IL21: variants seen among roughly 807,000 people sequenced by gnomAD.
The protein encoded by IL21 is interleukin-21.
Under a neutral mutation model 18.4 loss-of-function variants are expected in IL21, and 3 were observed. The ratio of observed to expected loss-of-function variants is 0.16; its 90% CI spans 0.07 to 0.42. The LOEUF (loss-of-function observed/expected upper bound fraction) is 0.42, where lower values mean the gene tolerates loss of function less well. Ranked by LOEUF, IL21 falls within the 10% of genes least tolerant of loss-of-function variation. The probability of loss-of-function intolerance (pLI) is 0.99; values close to 1 mark genes in which losing one functional copy is unlikely to be tolerated. For missense variants in IL21, 130 were observed against 188.4 expected, an observed-to-expected ratio of 0.69 and a Z score of 1.81; for synonymous variants, 37 against 62.0, an observed-to-expected ratio of 0.60 and a Z score of 1.90.
intron 2 of IL21, among the ~76,000 whole-genome samples, chr4:122,617,093 AC>A (rs1470007497): frequency 3.9e-5 from 6 of 152,204 alleles, no homozygotes. Flanking sequence ...TCTCTAAGAC[AC>A]AAACCTATCA....
chr4:122,619,229 A>G (rs556637533), intron 2 of IL21: 2 of 152,316 alleles, frequency 1.3e-5, no homozygotes, highest in Admixed American at 1.3e-4. Context: ...AATCTCTTAC[A>G]GACCCTACTT....
chr4:122,616,190 C>A (rs192202200), intron 2 of IL21, among the ~76,000 whole-genome samples: 7 of 152,328 alleles, frequency 4.6e-5, no homozygotes, highest in Admixed American at 3.3e-4. Flanking sequence ...CTAAAACTTA[C>A]ACTGTGACTA....
chr4:122,620,040 A>G (rs1338292123), intron 2 of IL21: 3 of 152,254 alleles, frequency 2.0e-5, no homozygotes, highest in South Asian at 2.1e-4. Context: ...CTTGAACTAC[A>G]TGCCAGGCCT....
At chr4:122,620,426 T>C (rs1799409631) in intron 2 of IL21, among the ~76,000 whole-genome samples, 1 of 152,190 alleles carries the variant, frequency 6.6e-6, no homozygotes, top group South Asian at 2.1e-4. Flanking sequence ...TCGTTTCTAG[T>C]TTTGTTATTC....
At chr4:122,617,592 C>T (rs990839151) in intron 2 of IL21, among the ~76,000 whole-genome samples, 8 of 152,188 alleles carry the variant, frequency 5.3e-5, no homozygotes, top group African/African-American at 1.9e-4. Context: ...ACTCAAAGCA[C>T]TGAAATTGTA....
rs1467550443 is a variant in IL21, at chr4:122,612,503, TA to T, written c.*206del. On this transcript the variant is annotated 3_prime_UTR_variant, in exon 5 of 5. Transcript: ENST00000648588. Reference sequence around the variant, plus strand: ...GTCAAAGTTGGGCAGTGAGATAAAGTAAAAACTTCAGAAGTCATAGAAATCA... The same window carrying T: ...GTCAAAGTTGGGCAGTGAGATAAAGTAAAACTTCAGAAGTCATAGAAATCA... 1 of 455,044 alleles carries T rather than the reference TA, an allele frequency of 2.2e-6. No homozygotes were observed. Among genetic ancestry groups the T allele is most frequent in the African/African-American group, 2.0e-5 (1 of 49,648 alleles). 28.2% of individuals were successfully genotyped at this position (455,044 alleles called of 1,614,324 possible). A position where few individuals can be genotyped will look rare whatever the true frequency, so the allele number is the denominator to read the frequency against.
Position 122,612,844 on chromosome 4 carries a change from T to TA in IL21, c.438+6dup, listed in dbSNP as rs1419615718. 1 of 1,612,772 alleles carries TA rather than the reference T, an allele frequency of 6.2e-7. No homozygotes were observed. The highest frequency in any genetic ancestry group is 8.5e-7 in the Non-Finnish European group (1 of 1,179,204). ...GCAGAAAATCAAATGAAACTTAAGG[T>TA]AGATACCTTTTGGAGAAGTGATTTG... On this transcript the variant is annotated splice_region_variant and intron_variant, in intron 4 of 4. Transcript: ENST00000648588.
At chr4:122,615,044 A>G (rs1279691254) in intron 3 of IL21, among the ~76,000 whole-genome samples, 3 of 152,164 alleles carry the variant, frequency 2.0e-5, no homozygotes, top group Admixed American at 2.0e-4. Context: ...GTTATCTGTG[A>G]CCATATGAGA....
At chr4:122,612,970 T>G in intron 3 of IL21, 42 bp from the exon 4 acceptor site, 1 of 1,308,014 alleles carries the variant, frequency 7.6e-7, no homozygotes, top group Non-Finnish European at 1.1e-6. Context: ...TTAAAATTTT[T>G]TTCGTAATAA....
chr4:122,616,636 G>A (rs554256224), intron 2 of IL21, among the ~76,000 whole-genome samples: 7 of 152,144 alleles, frequency 4.6e-5, no homozygotes, highest in Admixed American at 6.5e-5. Context: ...ATGGAGGAGC[G>A]GATAAAATAA....
intron 3 of IL21, 25 bp downstream of exon 3, chr4:122,615,655 AAG>A (rs1560662294): frequency 1.3e-6 from 2 of 1,599,580 alleles, no homozygotes; most frequent in Admixed American, 1.7e-5. Flanking sequence ...AAGTACAAAT[AAG>A]AGAGATGACA....
intron 3 of IL21, 47 bp from the exon 4 acceptor site, chr4:122,612,975 TAATAA>T (rs1799281311): frequency 4.9e-6 from 6 of 1,232,968 alleles, no homozygotes; most frequent in Non-Finnish European, 5.7e-6. Context: ...ATTTTTTTCG[TAATAA>T]AATGTTTCTT....
At position 122,615,851 on chromosome 4, in the gene IL21, A is replaced by C; in HGVS notation, c.205-14T>G. On this transcript the variant is annotated splice_polypyrimidine_tract_variant and intron_variant, in intron 2 of 4. Coordinates refer to ENST00000648588, the MANE Select transcript of IL21 (RefSeq NM_021803.4). ...CTCACAGTTTGTCTGAAAGATAAACAATTTGTATATATGTTAACAAACATT... is the reference window on the plus strand; with the variant it reads ...CTCACAGTTTGTCTGAAAGATAAACCATTTGTATATATGTTAACAAACATT... 6.3e-7 allele frequency: 1 copy of C among 1,595,044 alleles called. No homozygotes were observed. The highest frequency in any genetic ancestry group is 1.1e-5 in the South Asian group (1 of 88,972).
chr4:122,619,163 C>CTA (rs1233430070), intron 2 of IL21: 1 of 152,160 alleles, frequency 6.6e-6, no homozygotes, highest in Non-Finnish European at 1.5e-5. Flanking sequence ...TAGATAATTA[C>CTA]TATATGCATG....
In IL21 at chr4:122,620,856, A is replaced by G. The variant is rs1429187449; in HGVS notation, c.156T>C (p.Tyr52=). ...AATATAGTCTTACCAAGTCATTCACATAATTTTTCAGCTGATCAACAATAT... is the reference window on the plus strand; with the variant it reads ...AATATAGTCTTACCAAGTCATTCACGTAATTTTTCAGCTGATCAACAATAT... ...LIDIVDQLKN[Y]VNDLVPEFLP... Residue 52 remains tyrosine, a synonymous_variant, in exon 1 of 5, where the codon TAT becomes TAC. Coordinates refer to ENST00000648588, the MANE Select transcript of IL21 (RefSeq NM_021803.4). The G allele has an allele frequency of 2.5e-6, 4 of 1,613,956 alleles. No homozygotes were observed. In the African/African-American group the frequency reaches 4.0e-5, roughly 16 times the overall value.
intron 2 of IL21, chr4:122,620,081 G>A (rs1799402127): frequency 6.6e-6 from 1 of 152,206 alleles, no homozygotes; most frequent in African/African-American, 2.4e-5. Flanking sequence ...GGATTTAAAT[G>A]GCTTAAGAGA....
At chr4:122,619,236 A>G (rs1244318461) in intron 2 of IL21, 2 of 152,154 alleles carry the variant, frequency 1.3e-5, no homozygotes, top group African/African-American at 2.4e-5. Context: ...TACAGACCCT[A>G]CTTTGAAGCT....
intron 2 of IL21, among the ~76,000 whole-genome samples, chr4:122,616,999 A>C (rs1799346073): frequency 2.0e-5 from 3 of 152,244 alleles, no homozygotes; most frequent in African/African-American, 4.8e-5. Flanking sequence ...TCTTATGGAC[A>C]ATCAGCTGAA....
chr4:122,618,662 T>C (rs572735184), intron 2 of IL21, among the ~76,000 whole-genome samples: 58 of 151,760 alleles, frequency 3.8e-4, no homozygotes, highest in Non-Finnish European at 8.4e-4. Context: ...AAAAATTAGC[T>C]GGGTGTGGTG....
Sources: gnomAD v4.1 joint callset for allele counts (sites outside exome capture counted in the v4.1 genomes callset) on GRCh38, gnomAD v4.1.1 for gene constraint, MANE v1.5 for transcripts, NCBI Gene and HGNC (gene_info 2026-07-23, HGNC 2026-07-21) for gene names.